The following FER variants were observed in gnomAD, a reference collection of about 807,000 sequenced individuals.
FER encodes the protein tyrosine-protein kinase Fer.
FER carries 63 observed loss-of-function variants against 111.0 expected under a neutral mutation model. That is an observed-to-expected ratio of 0.57 (90% CI 0.46 to 0.70). FER has a LOEUF of 0.70. Ranked by LOEUF, FER falls within the 30% of genes least tolerant of loss-of-function variation. The probability of loss-of-function intolerance (pLI) is 0.00; values close to 1 mark genes in which losing one functional copy is unlikely to be tolerated. For missense variants in FER, 914 were observed against 954.0 expected (o/e 0.96, Z 0.55); for synonymous variants, 327 against 313.9 (o/e 1.04, Z -0.44).
In FER at chr5:109,188,763, A is replaced by G. The variant is rs76831711; in HGVS notation, c.*1188A>G. On this transcript the variant is annotated 3_prime_UTR_variant, in exon 20 of 20. Coordinates refer to ENST00000281092, the MANE Select transcript of FER (RefSeq NM_005246.4). Reference sequence around the variant, plus strand: ...AAAATTTTGAGAGAAACTGCAAAGCACAAATCCACAGAAATAACAGCATAC... The same window carrying G: ...AAAATTTTGAGAGAAACTGCAAAGCGCAAATCCACAGAAATAACAGCATAC... The G allele has an allele frequency of 6.6e-6, 1 of 152,182 alleles. No homozygotes were observed. The highest frequency in any genetic ancestry group is 2.4e-5 in the African/African-American group (1 of 41,450). 9.4% of individuals were successfully genotyped at this position (152,182 alleles called of 1,614,324 possible).
chr5:108,795,214 A>G (rs1429945353), intron 2 of FER, among the ~76,000 whole-genome samples: 1 of 152,122 alleles, frequency 6.6e-6, no homozygotes, highest in African/African-American at 2.4e-5. Flanking sequence ...AGTCCCAGCT[A>G]CTCAGGAGGC....
chr5:108,947,526 T>C (rs1237234244), intron 11 of FER, among the ~76,000 whole-genome samples: 1 of 152,094 alleles, frequency 6.6e-6, no homozygotes, highest in East Asian at 1.9e-4. Flanking sequence ...TAATATTCTT[T>C]GCACATTTTA....
intron 2 of FER, among the ~76,000 whole-genome samples, chr5:108,770,051 C>T (rs558033356): frequency 4.6e-5 from 7 of 152,212 alleles, no homozygotes; most frequent in South Asian, 4.2e-4. Context: ...TGAGTTCAAG[C>T]GATTCTCCTG....
Position 108,820,442 on chromosome 5 carries a change from C to T in FER, c.208-12328C>T, listed in dbSNP as rs933404540. 3.0e-6 allele frequency: 3 copies of T among 985,198 alleles called. No homozygotes were observed. The African/African-American group carries it at 5.2e-5, about 17-fold the overall frequency. 61.0% of individuals were successfully genotyped at this position (985,198 alleles called of 1,614,324 possible). ...TGGTTACTGTTCTTCAAAAGAAGAA[C>T]AAGAAAGGTGGCCCTTAAGTCCAAG... is the stretch of plus-strand genomic sequence containing the variant. On this transcript the variant is annotated intron_variant, in intron 3 of 19. Coordinates refer to ENST00000281092, the MANE Select transcript of FER (RefSeq NM_005246.4).
intron 2 of FER, among the ~76,000 whole-genome samples, chr5:108,797,513 A>G (rs1756164686): frequency 6.6e-6 from 1 of 152,146 alleles, no homozygotes; most frequent in Admixed American, 6.5e-5. Flanking sequence ...CTGCTGTGAC[A>G]TGGCAGCAGT....
intron 13 of FER, among the ~76,000 whole-genome samples, chr5:108,971,152 C>T (rs1760601225): frequency 6.6e-6 from 1 of 151,460 alleles, no homozygotes; most frequent in Non-Finnish European, 1.5e-5. Flanking sequence ...GTAGCTAAAA[C>T]CAATTCCTAG....
chr5:109,004,922 G>A (rs1765298533), intron 13 of FER, among the ~76,000 whole-genome samples: 3 of 151,178 alleles, frequency 2.0e-5, no homozygotes, highest in East Asian at 2.0e-4. Flanking sequence ...TTTTTTTTAT[G>A]TTTGTTTTGT....
chr5:108,858,819 C>T (rs375933318), intron 5 of FER, among the ~76,000 whole-genome samples: 303 of 117,520 alleles, frequency 2.6e-3, no homozygotes, highest in African/African-American at 9.1e-3. Context: ...TTTTTTCATT[C>T]GTTTCAACAG....
At chr5:108,801,442 T>G (rs758981975) in intron 3 of FER, among the ~76,000 whole-genome samples, 5 of 152,246 alleles carry the variant, frequency 3.3e-5, no homozygotes, top group Non-Finnish European at 7.3e-5. Context: ...TAGTCATCCC[T>G]TATTCATGGG....
intron 10 of FER, among the ~76,000 whole-genome samples, chr5:108,899,584 G>A (rs568252063): frequency 2.4e-4 from 37 of 151,880 alleles, no homozygotes; most frequent in African/African-American, 8.5e-4. Flanking sequence ...GGATCACAAG[G>A]TCAGGAGATC....
At chr5:108,756,780 C>G (rs1311485405) in intron 1 of FER, among the ~76,000 whole-genome samples, 1 of 152,144 alleles carries the variant, frequency 6.6e-6, no homozygotes, top group East Asian at 1.9e-4. Context: ...CCTACACACA[C>G]ACACATTTTT....
Position 108,867,806 on chromosome 5 carries a change from C to G in FER, c.521C>G (p.Ala174Gly). 1 of 1,611,932 alleles carries G rather than the reference C, an allele frequency of 6.2e-7. No individual in the cohort carries two copies. The highest frequency in any genetic ancestry group is 8.5e-7 in the Non-Finnish European group (1 of 1,179,156). Reference sequence around the variant, plus strand: ...AAGGCCAAGGAACGATACGACAAAGCCACAATGAAACTTCATATGTTGCAC... The same window carrying G: ...AAGGCCAAGGAACGATACGACAAAGGCACAATGAAACTTCATATGTTGCAC... ...TEKAKERYDK[A>G]TMKLHMLHNQ... Residue 174 changes from alanine (A) to glycine (G), a missense_variant, in exon 6 of 20, where the codon GCC becomes GGC. Coordinates refer to ENST00000281092, the MANE Select transcript of FER (RefSeq NM_005246.4).
intron 16 of FER, among the ~76,000 whole-genome samples, chr5:109,083,898 A>G (rs2150026909): frequency 6.6e-6 from 1 of 152,162 alleles, no homozygotes; most frequent in African/African-American, 2.4e-5. Flanking sequence ...TGAATAATAA[A>G]GTCCTTTGTC....
At chr5:109,033,926 G>A (rs539706626) in intron 13 of FER, among the ~76,000 whole-genome samples, 1 of 152,132 alleles carries the variant, frequency 6.6e-6, no homozygotes, top group African/African-American at 2.4e-5. Flanking sequence ...ATATATTGTG[G>A]AATGATTATA....
chr5:108,823,662 C>T (rs990801912), intron 3 of FER, among the ~76,000 whole-genome samples: 14 of 152,110 alleles, frequency 9.2e-5, no homozygotes, highest in Admixed American at 7.9e-4. Context: ...GTGTTAGTTC[C>T]TTACATATTT....
At chr5:108,938,022 TCTCTCACACACACACACACACA>T (rs778354472) in intron 10 of FER, among the ~76,000 whole-genome samples, 2 of 77,754 alleles carry the variant, frequency 2.6e-5, no homozygotes, top group African/African-American at 1.0e-4. Flanking sequence ...TCCCTATCTC[TCTCTCACACACACACACACACA>T]CACACACACA....
At chr5:109,183,312 G>A (rs7706125) in intron 18 of FER, among the ~76,000 whole-genome samples, 30 of 145,434 alleles carry the variant, frequency 2.1e-4, no homozygotes, top group African/African-American at 2.1e-4. Context: ...GCAGCAGCGC[G>A]ATCTAGGCTC....
At chr5:108,797,341 G>A (rs537512173) in intron 2 of FER, among the ~76,000 whole-genome samples, 2 of 152,170 alleles carry the variant, frequency 1.3e-5, no homozygotes, top group East Asian at 3.9e-4. Flanking sequence ...GGGTGCAGAA[G>A]GGGTGTTGCA....
intron 3 of FER, among the ~76,000 whole-genome samples, chr5:108,808,580 T>C (rs1490244072): frequency 1.3e-5 from 2 of 152,104 alleles, no homozygotes; most frequent in Non-Finnish European, 2.9e-5. Context: ...GTGGAGTAGT[T>C]AGACAGTTTA....
Sources: allele counts gnomAD v4.1 joint callset (sites outside exome capture counted in the v4.1 genomes callset), GRCh38; gene constraint gnomAD v4.1.1; transcripts MANE v1.5; gene names NCBI Gene and HGNC (gene_info 2026-07-23, HGNC 2026-07-21).